The following TTC21A variants were observed in gnomAD, a reference collection of about 807,000 sequenced individuals.
The protein encoded by TTC21A is tetratricopeptide repeat protein 21A.
Under a neutral mutation model 156.4 loss-of-function variants are expected in TTC21A, and 128 were observed. That is an observed-to-expected ratio of 0.82 (90% CI 0.71 to 0.95). The LOEUF is 0.95. Ranked by LOEUF, TTC21A falls within the 40% of genes least tolerant of loss-of-function variation. TTC21A has a pLI of 0.00. For synonymous variants in TTC21A, 587 were observed against 617.1 expected (o/e 0.95, Z 0.72); for missense variants, 1,435 against 1,602.3 (o/e 0.90, Z 1.78).
intron 6 of TTC21A, among the ~76,000 whole-genome samples, chr3:39,116,641 A>G (rs1575508007): frequency 6.6e-6 from 1 of 151,652 alleles, no homozygotes; most frequent in East Asian, 1.9e-4. Flanking sequence ...ATACCCAGCT[A>G]TTTTTTTTAT....
Position 39,134,150 on chromosome 3 carries a change from T to C in TTC21A, c.2752-68T>C, listed in dbSNP as rs1158094984. The C allele has an allele frequency of 1.0e-6, 1 of 994,936 alleles. No individual in the cohort carries two copies. Among genetic ancestry groups the C allele is most frequent in the African/African-American group, 1.6e-5 (1 of 62,902 alleles). 61.6% of individuals were successfully genotyped at this position (994,936 alleles called of 1,614,324 possible). A position where few individuals can be genotyped will look rare whatever the true frequency, so the allele number is the denominator to read the frequency against. ...AAGTGGGGTGTGAGGGAAAGAGCTGTCAAGGATAACCCCAGGGGTTTCCCA... is the reference window on the plus strand; with the variant it reads ...AAGTGGGGTGTGAGGGAAAGAGCTGCCAAGGATAACCCCAGGGGTTTCCCA... On this transcript the variant is annotated intron_variant, in intron 20 of 28. Transcript: ENST00000683103. This position sits in a 1 kb window ranked among gnomAD's most constrained non-coding sequence, Gnocchi z 4.6.
rs765589196 is a variant in TTC21A at position 39,130,677 on chromosome 3, C to A, written c.2320-24C>A. 1 of 1,613,454 alleles carries A rather than the reference C, an allele frequency of 6.2e-7. No homozygotes were observed. The highest frequency in any genetic ancestry group is 8.5e-7 in the Non-Finnish European group (1 of 1,179,590). The stretch of plus-strand genomic sequence containing the variant: ...CTGAAGGGCAGAACCAGGCCAGAGG[C>A]TAATATTTACTGTTTGCACTAAGGC... On this transcript the variant is annotated intron_variant, in intron 17 of 28. Transcript: ENST00000683103. This position sits in a 1 kb window ranked among gnomAD's most constrained non-coding sequence, Gnocchi z 4.5.
chr3:39,136,721 G>A, intron 23 of TTC21A, 178 bp from the exon 24 acceptor site: 1 of 984,232 alleles, frequency 1.0e-6, no homozygotes, highest in Non-Finnish European at 1.5e-6. Flanking sequence ...GGCCACTTGG[G>A]CAGGCCACCA....
In TTC21A at chr3:39,110,888, G is replaced by A. The variant is rs1559666972; in HGVS notation, c.306G>A (p.Lys102=). 1 of 1,613,902 alleles carries A rather than the reference G, an allele frequency of 6.2e-7. No individual in the cohort carries two copies. The highest frequency in any genetic ancestry group is 1.3e-5 in the African/African-American group (1 of 74,934). ...TTCAGGAGCTTGAGTACAGCCTGAA[G>A]GAAATACGCAAGACAGTCAGTGGGA... is the stretch of plus-strand genomic sequence containing the variant. ...EAIQELEYSL[K]EIRKTVSGTA... Residue 102 remains lysine (K), a synonymous_variant, in exon 4 of 29, where the codon AAG becomes AAA. Coordinates refer to ENST00000683103, the MANE Select transcript of TTC21A (RefSeq NM_001366900.1).
intron 6 of TTC21A, 143 bp downstream of exon 6, chr3:39,114,885 GGAA>G (rs1316844136): frequency 1.1e-6 from 1 of 897,278 alleles, no homozygotes; most frequent in African/African-American, 1.7e-5. Flanking sequence ...ATTGGGATGA[GGAA>G]GAGAGCAGGG....
chr3:39,126,433 C>T (rs1423504459), intron 12 of TTC21A, 43 bp downstream of exon 12: 3 of 1,606,514 alleles, frequency 1.9e-6, no homozygotes, highest in Non-Finnish European at 2.6e-6. Context: ...CTTGCAAACA[C>T]CTGATGTAGC....
In TTC21A at chr3:39,123,846, A is replaced by AC. The variant is rs533828443; in HGVS notation, c.1094-1209dup. 2.5e-3 allele frequency among the ~76,000 whole-genome samples: 379 copies of AC among 150,186 alleles called. 1 individual carries two copies. Among genetic ancestry groups the AC allele is most frequent in the African/African-American group, 7.7e-3 (314 of 40,736 alleles). ...ATAAAACATAAAGAGAAAAAAAATC[A>AC]CCCCCCCCAAAAAAACCAGGCAGGC... is the stretch of plus-strand genomic sequence containing the variant. On this transcript the variant is annotated intron_variant, in intron 9 of 28. Transcript: ENST00000683103.
In TTC21A at chr3:39,121,028, T is replaced by C; in HGVS notation, c.932T>C (p.Val311Ala). 1 of 1,612,418 alleles carries C rather than the reference T, an allele frequency of 6.2e-7. No individual in the cohort carries two copies. Among genetic ancestry groups the C allele is most frequent in the African/African-American group, 1.3e-5 (1 of 74,974 alleles). ...AGTCACCAGGTGATTCTAGGGCTAGTGTGTAGTTTCATCGAGCGCACCTTC... is the reference window on the plus strand; with the variant it reads ...AGTCACCAGGTGATTCTAGGGCTAGCGTGTAGTTTCATCGAGCGCACCTTC... ...CGSHQVILGL[V>A]CSFIERTFMA... The change falls in exon 9 of 29, where the codon GTG (valine) becomes GCG (alanine). Residue 311 changes from valine (V) to alanine (A), a missense_variant. Coordinates refer to ENST00000683103, the MANE Select transcript of TTC21A (RefSeq NM_001366900.1).
intron 6 of TTC21A, 112 bp from the exon 7 acceptor site, chr3:39,117,957 T>C: frequency 1.3e-6 from 1 of 777,118 alleles, no homozygotes; most frequent in South Asian, 1.5e-5. Flanking sequence ...AGTTCTATTA[T>C]TAAAAGAAGA....
At chr3:39,117,683 G>A (rs1341352935) in intron 6 of TTC21A, among the ~76,000 whole-genome samples, 2 of 152,206 alleles carry the variant, frequency 1.3e-5, no homozygotes, top group African/African-American at 4.8e-5. Flanking sequence ...TGGGATGACA[G>A]CTTAACTCTG....
intron 5 of TTC21A, among the ~76,000 whole-genome samples, chr3:39,114,120 A>C (rs2037070371): frequency 6.6e-6 from 1 of 152,248 alleles, no homozygotes; most frequent in African/African-American, 2.4e-5. Flanking sequence ...AAAACGCCAC[A>C]ACCTTGCTAT....
At chr3:39,131,558 G>A (rs910932055) in intron 19 of TTC21A, 2 of 155,828 alleles carry the variant, frequency 1.3e-5, no homozygotes, top group African/African-American at 4.8e-5. Flanking sequence ...TATTCTGTTG[G>A]TGTATACCAG....
chr3:39,113,153 G>A (rs1459810294), intron 5 of TTC21A, among the ~76,000 whole-genome samples: 1 of 152,026 alleles, frequency 6.6e-6, no homozygotes. Flanking sequence ...GAAAACAGAA[G>A]CCTAAAAAAA....
intron 25 of TTC21A, 33 bp from the exon 26 acceptor site, chr3:39,137,453 C>G: frequency 1.9e-6 from 3 of 1,612,168 alleles, no homozygotes; most frequent in Non-Finnish European, 2.5e-6. Context: ...GCGGCCAACA[C>G]GTGCTGACGT....
intron 7 of TTC21A, chr3:39,119,653 GAA>G: frequency 5.8e-5 from 13 of 223,498 alleles, no homozygotes; most frequent in Non-Finnish European, 1.0e-4. Context: ...AGAAAAAAAA[GAA>G]AAAAAAAAAA....
At chr3:39,128,185 T>A in intron 12 of TTC21A, 146 bp from the exon 13 acceptor site, 1 of 915,804 alleles carries the variant, frequency 1.1e-6, no homozygotes, top group Non-Finnish European at 1.7e-6. Context: ...AATGGACCCC[T>A]GAGTGAAGCA....
intron 7 of TTC21A, chr3:39,119,631 CAAAAAAAAAAAAGAAAAAAAAGA>C (rs1373305323): frequency 2.3e-5 from 3 of 129,620 alleles, no homozygotes; most frequent in African/African-American, 1.1e-4. Context: ...AAGGAGCAGT[CAAAAAAAAAAAAGAAAAAAAAGA>C]AAAAAAAAAA....
intron 22 of TTC21A, 35 bp from the exon 23 acceptor site, chr3:39,136,322 C>T (rs765529322): frequency 6.3e-7 from 1 of 1,593,818 alleles, no homozygotes; most frequent in Admixed American, 1.7e-5. Flanking sequence ...AGCTACTGGG[C>T]ATTTCAGCCT....
chr3:39,117,265 A>AG (rs2037373861), intron 6 of TTC21A, among the ~76,000 whole-genome samples: 1 of 152,240 alleles, frequency 6.6e-6, no homozygotes, highest in African/African-American at 2.4e-5. Context: ...CAGTGCTTTC[A>AG]GAAGTATCAG....
Sources: allele counts gnomAD v4.1 joint callset (sites outside exome capture counted in the v4.1 genomes callset), GRCh38; gene constraint gnomAD v4.1.1; non-coding constraint Gnocchi (gnomAD v3.1); transcripts MANE v1.5; gene names NCBI Gene and HGNC (gene_info 2026-07-23, HGNC 2026-07-21).